PRIM2: variants seen among roughly 807,000 people sequenced by gnomAD.
The protein encoded by PRIM2 is DNA primase subunit 2.
A neutral mutation model predicts 67.3 loss-of-function variants in PRIM2; 39 were observed. The ratio of observed to expected loss-of-function variants is 0.58; its 90% CI spans 0.45 to 0.76. The LOEUF is 0.76. PRIM2 is among the 30% of genes least tolerant of loss of function. The pLI is 0.00. For missense variants in PRIM2, 398 were observed against 598.7 expected (o/e 0.66, Z 3.50); for synonymous variants, 143 against 198.7 (o/e 0.72, Z 2.36).
intron 5 of PRIM2, among the ~76,000 whole-genome samples, chr6:57,364,009 C>T (rs1283047088): frequency 2.7e-5 from 4 of 147,550 alleles, no homozygotes; most frequent in African/African-American, 9.9e-5. Context: ...TTTGTTATTT[C>T]TATATTCTGT....
At chr6:57,612,437 T>C (rs1776683965) in intron 12 of PRIM2, among the ~76,000 whole-genome samples, 2 of 152,336 alleles carry the variant, frequency 1.3e-5, no homozygotes, top group African/African-American at 4.8e-5. Context: ...GGTATACCCA[T>C]TAACATGTAA....
At chr6:57,328,638 GT>G (rs1378624471) in intron 5 of PRIM2, among the ~76,000 whole-genome samples, 1 of 152,178 alleles carries the variant, frequency 6.6e-6, no homozygotes, top group East Asian at 1.9e-4. Flanking sequence ...TTGTGTCCAG[GT>G]TTTTGTGTGA....
intron 7 of PRIM2, among the ~76,000 whole-genome samples, chr6:57,471,942 C>T (rs1773345776): frequency 6.6e-6 from 1 of 152,030 alleles, no homozygotes; most frequent in South Asian, 2.1e-4. Context: ...TATAAAGCAG[C>T]TTTTGGTGAC....
intron 7 of PRIM2, among the ~76,000 whole-genome samples, chr6:57,418,067 G>A (rs1771329069): frequency 1.3e-5 from 2 of 152,132 alleles, no homozygotes; most frequent in African/African-American, 2.4e-5. Context: ...CAGCTCTGAG[G>A]AAAATTGTAT....
chr6:57,611,172 C>G (rs1776659643), intron 12 of PRIM2, among the ~76,000 whole-genome samples: 1 of 152,174 alleles, frequency 6.6e-6, no homozygotes, highest in East Asian at 1.9e-4. Flanking sequence ...CTATTTCTTA[C>G]AGTGAACAAT....
chr6:57,419,392 A>T (rs1771387765), intron 7 of PRIM2, among the ~76,000 whole-genome samples: 1 of 152,214 alleles, frequency 6.6e-6, no homozygotes, highest in African/African-American at 2.4e-5. Flanking sequence ...ATACAGTGAC[A>T]AAAGTTTCTT....
chr6:57,258,812 A>C, the PRIM2 span, among the ~76,000 whole-genome samples: 11 of 152,224 alleles, frequency 7.2e-5, no homozygotes, highest in Non-Finnish European at 1.6e-4. Context: ...TGCTAGACTC[A>C]ACTCTACCAT....
intron 5 of PRIM2, among the ~76,000 whole-genome samples, chr6:57,328,750 C>T (rs1041139685): frequency 6.6e-6 from 1 of 152,080 alleles, no homozygotes; most frequent in African/African-American, 2.4e-5. Flanking sequence ...AAATGTTTTC[C>T]AAAGTGGCTG....
At position 57,578,956 on chromosome 6, in the gene PRIM2, G is replaced by GT. The variant is rs1296231216; in HGVS notation, c.1021-22136dup. Among the ~76,000 whole-genome samples, 7 of 152,102 alleles carry GT rather than the reference G, an allele frequency of 4.6e-5. No homozygotes were observed. In the South Asian group the frequency reaches 1.5e-3, roughly 32 times the overall value. On this transcript the variant is annotated intron_variant, in intron 10 of 13. Transcript: ENST00000615550. ...CTCCCAAAGTGCTGGGATTACAGGC[G>GT]TGAGCCACCGCGCCCGGCCCACCTC... is the stretch of plus-strand genomic sequence containing the variant.
At chr6:57,474,465 C>T (rs1238066844) in intron 7 of PRIM2, among the ~76,000 whole-genome samples, 14,016 of 152,110 alleles carry the variant, frequency 0.092, 718 homozygotes, top group East Asian at 0.2. Flanking sequence ...TGAGCCACCG[C>T]GCCCAGCTTA....
At chr6:57,402,258 G>A (rs2894850) in intron 7 of PRIM2, among the ~76,000 whole-genome samples, 4 of 152,296 alleles carry the variant, frequency 2.6e-5, no homozygotes, top group Admixed American at 2.0e-4. Flanking sequence ...TGGGAGCTCT[G>A]TGCCAGCAAG....
intron 7 of PRIM2, among the ~76,000 whole-genome samples, chr6:57,407,863 A>C (rs1416338943): frequency 2.6e-5 from 4 of 152,182 alleles, no homozygotes; most frequent in Non-Finnish European, 4.4e-5. Flanking sequence ...ACCAGACACA[A>C]TTAGATGTAT....
chr6:57,271,496 C>G, the PRIM2 span, among the ~76,000 whole-genome samples: 6 of 151,980 alleles, frequency 3.9e-5, no homozygotes, highest in African/African-American at 1.4e-4. Flanking sequence ...ATTTTGTATT[C>G]CGTCTATTTG....
the PRIM2 span, among the ~76,000 whole-genome samples, chr6:57,241,848 AT>A: frequency 6.6e-6 from 1 of 151,608 alleles, no homozygotes; most frequent in Non-Finnish European, 1.5e-5. Flanking sequence ...AATTTTTTGT[AT>A]TTTTAGTAGA....
chr6:57,598,130 C>T (rs1340687362), intron 10 of PRIM2, among the ~76,000 whole-genome samples: 1 of 152,140 alleles, frequency 6.6e-6, no homozygotes, highest in Non-Finnish European at 1.5e-5. Flanking sequence ...TGGCTTCTCA[C>T]TATTTAACAA....
At chr6:57,640,949 A>AC (rs1257026244) in intron 13 of PRIM2, among the ~76,000 whole-genome samples, 2 of 150,484 alleles carry the variant, frequency 1.3e-5, no homozygotes, top group East Asian at 2.0e-4. Context: ...AACAAAAAAA[A>AC]AACAACGCTA....
chr6:57,628,879 C>A (rs1371912575), intron 12 of PRIM2, among the ~76,000 whole-genome samples: 1 of 152,018 alleles, frequency 6.6e-6, no homozygotes. Flanking sequence ...GGAAATTTGA[C>A]CCTAAATTCT....
At chr6:57,281,042 T>C in the PRIM2 span, among the ~76,000 whole-genome samples, 2 of 152,310 alleles carry the variant, frequency 1.3e-5, no homozygotes, top group South Asian at 4.1e-4. Flanking sequence ...CATGAAATAT[T>C]TGTCTTTTGT....
intron 7 of PRIM2, among the ~76,000 whole-genome samples, chr6:57,442,887 T>A (rs1348555562): frequency 2.6e-5 from 4 of 152,104 alleles, no homozygotes; most frequent in Admixed American, 6.6e-5. Flanking sequence ...AAAAAAAAAA[T>A]TTCTCTTAAC....
Sources: gnomAD v4.1 joint callset for allele counts (sites outside exome capture counted in the v4.1 genomes callset) on GRCh38, gnomAD v4.1.1 for gene constraint, MANE v1.5 for transcripts, NCBI Gene and HGNC (gene_info 2026-07-23, HGNC 2026-07-21) for gene names.